The following MYO7A variants were observed in gnomAD, a reference collection of about 807,000 sequenced individuals.
MYO7A encodes the protein unconventional myosin-VIIa.
A neutral mutation model predicts 263.8 loss-of-function variants in MYO7A; 210 were observed. The ratio of observed to expected loss-of-function variants is 0.80; its 90% CI spans 0.71 to 0.89. The LOEUF is 0.89. MYO7A is among the 40% of genes least tolerant of loss of function. MYO7A has a pLI of 0.00. For missense variants in MYO7A, 2,820 were observed against 2,968.3 expected (o/e 0.95, Z 1.16); for synonymous variants, 1,239 against 1,197.3 (o/e 1.03, Z -0.72).
chr11:77,208,028 C>A (rs1957575248), intron 42 of MYO7A, among the ~76,000 whole-genome samples: 1 of 152,224 alleles, frequency 6.6e-6, no homozygotes. Flanking sequence ...TGTTTCCTCA[C>A]TTCATGCCTG....
At chr11:77,165,418 A>AGG (rs1565366437) in intron 14 of MYO7A, among the ~76,000 whole-genome samples, 1 of 152,174 alleles carries the variant, frequency 6.6e-6, no homozygotes, top group Non-Finnish European at 1.5e-5. Flanking sequence ...GAATCTCCCT[A>AGG]GGCTCCTGGG....
At chr11:77,133,430 G>A (rs781933623) in intron 2 of MYO7A, among the ~76,000 whole-genome samples, 2 of 152,202 alleles carry the variant, frequency 1.3e-5, no homozygotes, top group African/African-American at 2.4e-5. Context: ...GTGGGCTGTT[G>A]ATAACAGTTG....
At chr11:77,211,753 G>A in intron 45 of MYO7A, 68 bp from the exon 46 acceptor site, 2 of 1,279,704 alleles carry the variant, frequency 1.6e-6, no homozygotes, top group Non-Finnish European at 2.3e-6. Context: ...TCTGAGCTCT[G>A]AGCTGGCCTG....
intron 42 of MYO7A, 135 bp downstream of exon 42, chr11:77,207,537 C>A (rs1228029004): frequency 5.6e-6 from 4 of 708,764 alleles, no homozygotes; most frequent in Admixed American, 2.1e-5. Context: ...TTCTTCCATC[C>A]CTGCAGCCTC....
At chr11:77,193,653 A>G (rs748183428) in intron 31 of MYO7A, among the ~76,000 whole-genome samples, 1 of 152,112 alleles carries the variant, frequency 6.6e-6, no homozygotes, top group Non-Finnish European at 1.5e-5. Context: ...TCAGTTGCTA[A>G]AATTCTGAAA....
In MYO7A at chr11:77,196,019, C is replaced by T. The variant is rs537786642; in HGVS notation, c.4324-1462C>T. On this transcript the variant is annotated intron_variant, in intron 32 of 48. Transcript: ENST00000409709. ...CAAATATCCTGCTCTTAAAAGGGCACGGGACATATTGGATTACAGCCCACC... is the reference window on the plus strand; with the variant it reads ...CAAATATCCTGCTCTTAAAAGGGCATGGGACATATTGGATTACAGCCCACC... 8.5e-5 allele frequency among the ~76,000 whole-genome samples: 13 copies of T among 152,308 alleles called. No individual in the cohort carries two copies. In the South Asian group the frequency reaches 1.5e-3, roughly 17 times the overall value.
At position 77,174,677 on chromosome 11, in the gene MYO7A, C is replaced by T. The variant is rs1024357013; in HGVS notation, c.1936-79C>T. The stretch of plus-strand genomic sequence containing the variant: ...GGACTTGGCCTTTCTGAGCCTTTGT[C>T]TGGGTTGGTCAAGTGCACAGCAGGG... On this transcript the variant is annotated intron_variant, in intron 16 of 48. Transcript: ENST00000409709. 6.9e-6 allele frequency: 10 copies of T among 1,458,038 alleles called. No individual in the cohort carries two copies. In the African/African-American group the frequency reaches 1.1e-4, roughly 16 times the overall value. The allele number at this position is 1,458,038 out of a possible 1,614,324, so 90.3% of individuals were successfully genotyped here. A position where few individuals can be genotyped will look rare whatever the true frequency, so the allele number is the denominator to read the frequency against.
intron 4 of MYO7A, among the ~76,000 whole-genome samples, chr11:77,153,768 T>A (rs548242172): frequency 6.6e-6 from 1 of 152,078 alleles, no homozygotes; most frequent in African/African-American, 2.4e-5. Context: ...CTGTGCTTGC[T>A]ACCAGCGGCT....
At chr11:77,198,822 G>A (rs1320778513) in intron 34 of MYO7A, among the ~76,000 whole-genome samples, 1 of 152,258 alleles carries the variant, frequency 6.6e-6, no homozygotes, top group Non-Finnish European at 1.5e-5. Flanking sequence ...CATTAAGGCT[G>A]TTCTGAGACA....
chr11:77,178,043 C>G (rs1286485608), intron 19 of MYO7A, among the ~76,000 whole-genome samples: 1 of 151,796 alleles, frequency 6.6e-6, no homozygotes, highest in Admixed American at 6.6e-5. Context: ...CGTGACAATT[C>G]ACAAATGTGC....
rs1381141633 is a variant in MYO7A, at chr11:77,211,190, G to A, written c.6090G>A (p.Thr2030=). 3.1e-5 allele frequency: 50 copies of A among 1,592,692 alleles called. No individual in the cohort carries two copies. Among genetic ancestry groups the A allele is most frequent in the Non-Finnish European group, 3.7e-5 (43 of 1,170,010 alleles). The change falls in exon 45 of 49, where the codon ACG becomes ACA. Residue 2030 remains threonine, a synonymous_variant. Coordinates refer to ENST00000409709, the MANE Select transcript of MYO7A (RefSeq NM_000260.4). The part of the protein sequence containing the change: ...PKYLRGYHKC[T]REEVLQLGAL... ...ATCTCCGAGGCTACCACAAGTGCAC[G>A]CGGGAGGAGGTGCTGCAGCTGGGGG...
At chr11:77,150,819 C>T (rs114307818) in intron 4 of MYO7A, among the ~76,000 whole-genome samples, 243 of 152,270 alleles carry the variant, frequency 1.6e-3, no homozygotes, top group African/African-American at 5.4e-3. Flanking sequence ...TTCCTTGACT[C>T]GCTGAGTTCA....
At chr11:77,132,493 G>GTT (rs543766160) in intron 2 of MYO7A, among the ~76,000 whole-genome samples, 4 of 147,780 alleles carry the variant, frequency 2.7e-5, no homozygotes, top group African/African-American at 1.0e-4. Context: ...GTTTGTTTGT[G>GTT]TGTGTGTTTG....
chr11:77,137,067 T>G (rs1370644348), intron 2 of MYO7A, among the ~76,000 whole-genome samples: 1 of 152,224 alleles, frequency 6.6e-6, no homozygotes, highest in African/African-American at 2.4e-5. Context: ...TCCTTGTGTC[T>G]GAGGTCTGGG....
intron 19 of MYO7A, 80 bp from the exon 20 acceptor site, chr11:77,178,965 C>A (rs1555081974): frequency 9.0e-7 from 1 of 1,105,620 alleles, no homozygotes; most frequent in Non-Finnish European, 1.3e-6. Context: ...TGGGACTCAG[C>A]GTGCCCTCCT....
intron 34 of MYO7A, 123 bp downstream of exon 34, chr11:77,198,744 G>A: frequency 3.5e-6 from 5 of 1,445,326 alleles, no homozygotes; most frequent in Non-Finnish European, 4.7e-6. Context: ...TGATTGGGCA[G>A]TTTGTGCCGC....
chr11:77,147,026 G>C (rs1275568260), intron 3 of MYO7A, among the ~76,000 whole-genome samples: 1 of 152,078 alleles, frequency 6.6e-6, no homozygotes, highest in Non-Finnish European at 1.5e-5. Flanking sequence ...CTCCACTTCA[G>C]CTCACACGTC....
At position 77,138,032 on chromosome 11, in the gene MYO7A, G is replaced by A. The variant is rs2135561041; in HGVS notation, c.19-4677G>A. On this transcript the variant is annotated intron_variant, in intron 2 of 48. Transcript: ENST00000409709. The surrounding 1 kb of genome is among the most constrained non-coding windows in gnomAD (Gnocchi z 4.9). Reference sequence around the variant, plus strand: ...TTTTTCCAAAACTGCCGTCAGGTGCGGTGCCAGGTGCCACGTTTATCCCGG... The same window carrying A: ...TTTTTCCAAAACTGCCGTCAGGTGCAGTGCCAGGTGCCACGTTTATCCCGG... Among the ~76,000 whole-genome samples, 1 of 152,288 alleles carries A rather than the reference G, an allele frequency of 6.6e-6. No individual in the cohort carries two copies. Among genetic ancestry groups the A allele is most frequent in the East Asian group, 1.9e-4 (1 of 5,174 alleles).
At chr11:77,156,164 C>T in intron 5 of MYO7A, 73 bp downstream of exon 5, 16 of 1,522,414 alleles carry the variant, frequency 1.1e-5, no homozygotes, top group Non-Finnish European at 1.4e-5. Flanking sequence ...CCTGCTGATA[C>T]CTCTAGGAAT....
Sources: gnomAD v4.1 joint callset for allele counts (sites outside exome capture counted in the v4.1 genomes callset) on GRCh38, gnomAD v4.1.1 for gene constraint, Gnocchi (gnomAD v3.1) non-coding constraint, MANE v1.5 for transcripts, NCBI Gene and HGNC (gene_info 2026-07-23, HGNC 2026-07-21) for gene names.